CHD7: variants seen among roughly 807,000 people sequenced by gnomAD.
CHD7 encodes the protein chromodomain helicase DNA binding protein 7.
Under a neutral mutation model 307.3 loss-of-function variants are expected in CHD7, and 24 were observed. The observed-to-expected ratio is 0.08, with a 90% CI of 0.06 to 0.11. The LOEUF (loss-of-function observed/expected upper bound fraction) is 0.11. Ranked by LOEUF, CHD7 falls within the 10% of genes least tolerant of loss-of-function variation. The pLI, the probability that CHD7 is intolerant of heterozygous loss-of-function variation, is 1.00. For missense variants in CHD7, 3,106 were observed against 3,727.1 expected, an observed-to-expected ratio of 0.83 and a Z score of 4.34; for synonymous variants, 1,363 against 1,349.9, an observed-to-expected ratio of 1.01 and a Z score of -0.21.
intron 31 of CHD7, among the ~76,000 whole-genome samples, chr8:60,853,884 A>G (rs1323230015): frequency 2.6e-5 from 4 of 152,220 alleles, no homozygotes; most frequent in Non-Finnish European, 5.9e-5. Flanking sequence ...GGTGCTTGTT[A>G]TGTTTTGATT....
At chr8:60,863,658 A>T (rs1302327323) in intron 37 of CHD7, 3 of 152,024 alleles carry the variant, frequency 2.0e-5, no homozygotes, top group Non-Finnish European at 2.9e-5. Flanking sequence ...ATAACACATT[A>T]TAGAGGGCAT....
intron 1 of CHD7, among the ~76,000 whole-genome samples, chr8:60,695,594 T>C (rs1806427120): frequency 6.6e-6 from 1 of 152,150 alleles, no homozygotes; most frequent in Admixed American, 6.5e-5. Flanking sequence ...CTCTAATACT[T>C]GTGTATGGGT....
At chr8:60,848,349 A>G (rs547801785) in intron 23 of CHD7, among the ~76,000 whole-genome samples, 166 bp from the exon 24 acceptor site, 29 of 152,336 alleles carry the variant, frequency 1.9e-4, no homozygotes, top group African/African-American at 6.0e-4. Flanking sequence ...AAAGCACCAC[A>G]CAGAGGTGAT....
intron 32 of CHD7, among the ~76,000 whole-genome samples, chr8:60,855,714 A>G (rs1012860939): frequency 1.3e-5 from 2 of 152,198 alleles, no homozygotes; most frequent in African/African-American, 4.8e-5. Context: ...TTTCTGTTTT[A>G]TGTAGTTCAG....
chr8:60,839,486 C>T (rs1323442623), intron 19 of CHD7, among the ~76,000 whole-genome samples: 1 of 152,194 alleles, frequency 6.6e-6, no homozygotes, highest in African/African-American at 2.4e-5. Context: ...TCATGTTTGA[C>T]TCTTTGAGGA....
intron 15 of CHD7, among the ~76,000 whole-genome samples, chr8:60,832,060 C>T (rs533819215): frequency 6.6e-6 from 1 of 152,024 alleles, no homozygotes; most frequent in Non-Finnish European, 1.5e-5. Flanking sequence ...CTCACTCTGG[C>T]GCCCAGGCTG....
chr8:60,843,862 C>T (rs1383050308), intron 21 of CHD7, among the ~76,000 whole-genome samples: 2 of 152,202 alleles, frequency 1.3e-5, no homozygotes. Flanking sequence ...GTTCCAAGGC[C>T]TAGCAGTGAG....
At chr8:60,759,890 A>G (rs1044557144) in intron 2 of CHD7, among the ~76,000 whole-genome samples, 4 of 152,108 alleles carry the variant, frequency 2.6e-5, no homozygotes, top group African/African-American at 4.8e-5. Flanking sequence ...TCATCCATCT[A>G]TTCATCGGAT....
chr8:60,714,673 T>G (rs1055199348), intron 1 of CHD7, among the ~76,000 whole-genome samples: 2 of 152,072 alleles, frequency 1.3e-5, no homozygotes, highest in Non-Finnish European at 1.5e-5. Context: ...TTCCGAGCCC[T>G]TCTTGCCACC....
At chr8:60,771,681 G>GC (rs1810718638) in intron 2 of CHD7, among the ~76,000 whole-genome samples, 2 of 151,934 alleles carry the variant, frequency 1.3e-5, no homozygotes, top group Non-Finnish European at 2.9e-5. Flanking sequence ...GGGGAGTCTT[G>GC]ACTGGGGAGG....
At chr8:60,816,239 G>A (rs1486529607) in intron 7 of CHD7, 148 bp from the exon 8 acceptor site, 1 of 567,856 alleles carries the variant, frequency 1.8e-6, no homozygotes, top group African/African-American at 2.0e-5. Context: ...TCTAAACAGT[G>A]GTGGGTATAT....
At chr8:60,703,409 A>G (rs985884067) in intron 1 of CHD7, among the ~76,000 whole-genome samples, 2 of 152,230 alleles carry the variant, frequency 1.3e-5, no homozygotes, top group Non-Finnish European at 2.9e-5. Flanking sequence ...GTTAAAATTC[A>G]TCGCTTTCTC....
chr8:60,780,118 A>G (rs1021744820), intron 2 of CHD7, among the ~76,000 whole-genome samples: 5 of 152,370 alleles, frequency 3.3e-5, no homozygotes, highest in African/African-American at 1.2e-4. Flanking sequence ...ATGATAATCC[A>G]GGCAGCCCTG....
chr8:60,813,289 A>T (rs1297575844), intron 7 of CHD7, among the ~76,000 whole-genome samples: 1 of 152,174 alleles, frequency 6.6e-6, no homozygotes, highest in African/African-American at 2.4e-5. Context: ...TATTATATGA[A>T]TTAGTTTTCT....
At chr8:60,849,457 C>T (rs185710761) in intron 25 of CHD7, among the ~76,000 whole-genome samples, 12 of 152,300 alleles carry the variant, frequency 7.9e-5, no homozygotes, top group East Asian at 3.9e-4. Context: ...TTGCTTCCAG[C>T]GCGGCTTCCC....
At chr8:60,807,030 G>C (rs1054771781) in intron 6 of CHD7, among the ~76,000 whole-genome samples, 3 of 151,724 alleles carry the variant, frequency 2.0e-5, no homozygotes, top group Admixed American at 2.0e-4. Flanking sequence ...TCTCAGAAAA[G>C]AAAGAAAAAA....
intron 7 of CHD7, among the ~76,000 whole-genome samples, chr8:60,815,964 AATG>A (rs1326205468): frequency 4.6e-5 from 7 of 152,314 alleles, no homozygotes; most frequent in African/African-American, 1.7e-4. Flanking sequence ...CCTATTTCTC[AATG>A]ATAAGAGGTT....
chr8:60,774,587 C>G (rs1246915053), intron 2 of CHD7, among the ~76,000 whole-genome samples: 1 of 152,168 alleles, frequency 6.6e-6, no homozygotes, highest in African/African-American at 2.4e-5. Context: ...ACCCCTGGGC[C>G]TGCAGGGCAG....
chr8:60,792,435 A>T (rs745507117), intron 3 of CHD7, among the ~76,000 whole-genome samples: 5 of 152,088 alleles, frequency 3.3e-5, no homozygotes, highest in African/African-American at 1.2e-4. Flanking sequence ...TTTGATTTGT[A>T]TATTGATGGA....
Sources: allele counts gnomAD v4.1 joint callset (sites outside exome capture counted in the v4.1 genomes callset), GRCh38; gene constraint gnomAD v4.1.1; transcripts MANE v1.5; gene names NCBI Gene and HGNC (gene_info 2026-07-23, HGNC 2026-07-21).